Variants in TMOD3 observed in about 807,000 individuals in gnomAD.
TMOD3 encodes tropomodulin-3.
Under a neutral mutation model 39.2 loss-of-function variants are expected in TMOD3, and 20 were observed. The ratio of observed to expected loss-of-function variants is 0.51; its 90% CI spans 0.36 to 0.74. The LOEUF (loss-of-function observed/expected upper bound fraction) is 0.74, where lower values mean the gene tolerates loss of function less well. Among genes scored for constraint, TMOD3 ranks in the 30% least tolerant of loss-of-function variants. TMOD3 has a pLI of 0.00. For missense variants in TMOD3, 381 were observed against 412.8 expected (o/e 0.92, Z 0.67); for synonymous variants, 143 against 145.8 (o/e 0.98, Z 0.14).
intron 2 of TMOD3, among the ~76,000 whole-genome samples, chr15:51,865,818 T>TTA (rs924035156): frequency 6.6e-6 from 1 of 152,166 alleles, no homozygotes; most frequent in Non-Finnish European, 1.5e-5. Context: ...TGGTACCTTA[T>TTA]TATATTTTGG....
At chr15:51,907,341 A>T (rs148649444) in intron 9 of TMOD3, 2 of 152,342 alleles carry the variant, frequency 1.3e-5, no homozygotes, top group East Asian at 3.9e-4. Context: ...AAATAAACTT[A>T]AGAGTCAGGC....
In TMOD3 at chr15:51,909,498, G is replaced by A. The variant is rs774878599; in HGVS notation, c.*688G>A. Reference sequence around the variant, plus strand: ...CTTTATTTAAAAGTATAGTGAGGTCGAAGTTCATTCCAGTGTTTCATTTTA... The same window carrying A: ...CTTTATTTAAAAGTATAGTGAGGTCAAAGTTCATTCCAGTGTTTCATTTTA... On this transcript the variant is annotated 3_prime_UTR_variant, in exon 10 of 10. Coordinates refer to ENST00000308580, the MANE Select transcript of TMOD3 (RefSeq NM_014547.5). The A allele has an allele frequency of 2.0e-5, 3 of 152,510 alleles. No homozygotes were observed. The highest frequency in any genetic ancestry group is 6.5e-5 in the Admixed American group (1 of 15,272). The allele number at this position is 152,510 out of a possible 1,614,324, so 9.4% of individuals were successfully genotyped here. A position where few individuals can be genotyped will look rare whatever the true frequency, so the allele number is the denominator to read the frequency against.
intron 3 of TMOD3, among the ~76,000 whole-genome samples, chr15:51,875,998 T>C (rs2436656): frequency 0.36 from 55,028 of 152,044 alleles, 10,398 homozygotes; most frequent in Admixed American, 0.43. Context: ...TTATGTCCCC[T>C]TGATGAATTG....
intron 3 of TMOD3, among the ~76,000 whole-genome samples, chr15:51,871,708 A>G (rs920380349): frequency 2.0e-5 from 3 of 152,198 alleles, no homozygotes; most frequent in Non-Finnish European, 2.9e-5. Flanking sequence ...CAAGAGGGGG[A>G]AAAGGATAGA....
chr15:51,888,820 A>T (rs1054082399), intron 4 of TMOD3, among the ~76,000 whole-genome samples: 2 of 152,148 alleles, frequency 1.3e-5, no homozygotes, highest in African/African-American at 4.8e-5. Flanking sequence ...GCTGCCTCCA[A>T]CTCTGAATTT....
intron 1 of TMOD3, among the ~76,000 whole-genome samples, chr15:51,853,186 G>C (rs1325080147): frequency 2.6e-5 from 4 of 152,186 alleles, no homozygotes. Context: ...ATTGGATGAT[G>C]AAATATTGCC....
intron 3 of TMOD3, among the ~76,000 whole-genome samples, chr15:51,886,152 G>A (rs1320297428): frequency 2.6e-5 from 4 of 151,842 alleles, no homozygotes; most frequent in East Asian, 1.9e-4. Context: ...ACGGGATGGC[G>A]GCCAGGAAGA....
At chr15:51,861,058 T>G (rs1673883294) in intron 1 of TMOD3, 1 of 707,422 alleles carries the variant, frequency 1.4e-6, no homozygotes, top group Non-Finnish European at 2.4e-6. Flanking sequence ...TCATCCTTCT[T>G]AAATGAATAT....
intron 3 of TMOD3, among the ~76,000 whole-genome samples, chr15:51,885,176 A>G (rs559638328): frequency 2.5e-4 from 38 of 151,412 alleles, no homozygotes; most frequent in African/African-American, 9.0e-4. Context: ...AATTATTATC[A>G]TTTTTCCATT....
chr15:51,833,599 C>T (rs367979111), intron 1 of TMOD3, among the ~76,000 whole-genome samples: 39 of 152,326 alleles, frequency 2.6e-4, no homozygotes, highest in African/African-American at 9.1e-4. Context: ...TCTTGGACTT[C>T]ACATAAATGG....
chr15:51,875,285 T>C (rs554153793), intron 3 of TMOD3: 72 of 152,354 alleles, frequency 4.7e-4, no homozygotes, highest in African/African-American at 1.7e-3. Flanking sequence ...AAACTGGCTC[T>C]TATTTTTGTA....
intron 5 of TMOD3, among the ~76,000 whole-genome samples, chr15:51,891,998 A>G (rs546906534): frequency 1.1e-4 from 17 of 152,306 alleles, no homozygotes; most frequent in Admixed American, 9.2e-4. Context: ...TCCAGACTAA[A>G]TATATTCAGA....
At chr15:51,878,812 G>C (rs2056518403) in intron 3 of TMOD3, among the ~76,000 whole-genome samples, 1 of 152,186 alleles carries the variant, frequency 6.6e-6, no homozygotes, top group South Asian at 2.1e-4. Context: ...GATTATAGTG[G>C]AGTAGTGTCC....
chr15:51,834,269 A>G (rs2056270317), intron 1 of TMOD3, among the ~76,000 whole-genome samples: 1 of 152,152 alleles, frequency 6.6e-6, no homozygotes, highest in Non-Finnish European at 1.5e-5. Flanking sequence ...TGTGATGAGC[A>G]GAAATTTTTA....
chr15:51,855,550 G>T lies in TMOD3; in HGVS notation c.-74-7261G>T, dbSNP rs529577720. Among the ~76,000 whole-genome samples, 7 of 152,336 alleles carry T rather than the reference G, an allele frequency of 4.6e-5. 1 individual carries two copies. The highest frequency in any genetic ancestry group is 1.4e-4 in the African/African-American group (6 of 41,580). On this transcript the variant is annotated intron_variant, in intron 1 of 9. Coordinates refer to ENST00000308580, the MANE Select transcript of TMOD3 (RefSeq NM_014547.5). ...AAAGTTGTGTTTTTCTTAAATGATC[G>T]TGAGAATGTTATGCTTTGAAAACCA...
chr15:51,870,769 G>C (rs963303951), intron 3 of TMOD3, among the ~76,000 whole-genome samples: 2 of 152,046 alleles, frequency 1.3e-5, no homozygotes, highest in African/African-American at 4.8e-5. Context: ...AGTTAGTCAG[G>C]GTTCTCCAGA....
At chr15:51,893,574 G>A (rs111943775) in intron 5 of TMOD3, among the ~76,000 whole-genome samples, 265 of 152,092 alleles carry the variant, frequency 1.7e-3, no homozygotes, top group South Asian at 4.2e-3. Flanking sequence ...GACCATCCTG[G>A]CTAACATGGT....
chr15:51,845,634 G>C (rs1408606220), intron 1 of TMOD3, among the ~76,000 whole-genome samples: 24 of 152,048 alleles, frequency 1.6e-4, no homozygotes, highest in Admixed American at 1.6e-3. Flanking sequence ...GCACACACTT[G>C]TTGTCCCAGC....
intron 3 of TMOD3, among the ~76,000 whole-genome samples, chr15:51,876,156 ATGT>A (rs529178531): frequency 1.0e-3 from 157 of 151,274 alleles, no homozygotes; most frequent in East Asian, 9.7e-4. Flanking sequence ...CTGTTCTTTG[ATGT>A]TGTTGTTGTT....
Sources: gnomAD v4.1 joint callset for allele counts (sites outside exome capture counted in the v4.1 genomes callset) on GRCh38, gnomAD v4.1.1 for gene constraint, MANE v1.5 for transcripts, NCBI Gene and HGNC (gene_info 2026-07-23, HGNC 2026-07-21) for gene names.